Variants in TACC2 observed in about 807,000 individuals in gnomAD.
TACC2 encodes the protein transforming acidic coiled-coil-containing protein 2.
Under a neutral mutation model 227.3 loss-of-function variants are expected in TACC2, and 137 were observed. The ratio of observed to expected loss-of-function variants is 0.60; its 90% CI spans 0.52 to 0.69. The LOEUF (loss-of-function observed/expected upper bound fraction) is 0.69. Ranked by LOEUF, TACC2 falls within the 30% of genes least tolerant of loss-of-function variation. TACC2 has a pLI of 0.00. For synonymous variants in TACC2, 1,523 were observed against 1,487.5 expected, an observed-to-expected ratio of 1.02 and a Z score of -0.55; for missense variants, 3,470 against 3,694.4, an observed-to-expected ratio of 0.94 and a Z score of 1.57.
intron 2 of TACC2, among the ~76,000 whole-genome samples, chr10:122,042,465 A>G (rs1385944531): frequency 6.6e-6 from 1 of 150,976 alleles, no homozygotes; most frequent in Non-Finnish European, 1.5e-5. Flanking sequence ...CTGGTCTCGA[A>G]CTCCTGACCT....
At chr10:122,245,623 A>G (rs2096093773) in intron 19 of TACC2, among the ~76,000 whole-genome samples, 1 of 152,134 alleles carries the variant, frequency 6.6e-6, no homozygotes, top group South Asian at 2.1e-4. Context: ...GGGTGTGGCA[A>G]GCAGGTTGTT....
At chr10:122,044,513 T>C (rs750633864) in intron 2 of TACC2, among the ~76,000 whole-genome samples, 1 of 152,178 alleles carries the variant, frequency 6.6e-6, no homozygotes, top group Non-Finnish European at 1.5e-5. Flanking sequence ...CTTCCCAGCA[T>C]TCACCTGCAG....
chr10:122,132,467 T>C, intron 5 of TACC2, 142 bp from the exon 6 acceptor site: 1 of 980,406 alleles, frequency 1.0e-6, no homozygotes, highest in South Asian at 1.5e-5. Context: ...GAGAATTGCC[T>C]GTACCCTGGA....
At chr10:122,222,057 T>A (rs1213838040) in intron 11 of TACC2, among the ~76,000 whole-genome samples, 1 of 152,156 alleles carries the variant, frequency 6.6e-6, no homozygotes, top group Non-Finnish European at 1.5e-5. Context: ...CCTCTTCAGC[T>A]AGGAGCAGCC....
intron 7 of TACC2, among the ~76,000 whole-genome samples, chr10:122,174,081 G>A (rs1276480021): frequency 6.6e-6 from 1 of 152,218 alleles, no homozygotes; most frequent in East Asian, 1.9e-4. Context: ...AGGGCTCGGT[G>A]GACTGTCCAA....
At chr10:122,187,647 C>T (rs1215191913) in intron 7 of TACC2, among the ~76,000 whole-genome samples, 3 of 152,178 alleles carry the variant, frequency 2.0e-5, no homozygotes, top group East Asian at 3.9e-4. Context: ...CCTGCCACCA[C>T]GCCCAGCTAA....
intron 5 of TACC2, among the ~76,000 whole-genome samples, chr10:122,114,956 G>A (rs2084368095): frequency 6.6e-6 from 1 of 152,216 alleles, no homozygotes; most frequent in Admixed American, 6.5e-5. Context: ...TCAAGGTTTC[G>A]TTTTACAGAT....
intron 18 of TACC2, 124 bp downstream of exon 18, chr10:122,238,161 C>A: frequency 1.5e-6 from 1 of 680,388 alleles, no homozygotes; most frequent in South Asian, 2.1e-5. Context: ...CTTTATTACA[C>A]ACAGTTCATA....
intron 5 of TACC2, among the ~76,000 whole-genome samples, chr10:122,090,733 A>T (rs7079313): frequency 6.6e-6 from 1 of 151,956 alleles, no homozygotes; most frequent in Non-Finnish European, 1.5e-5. Flanking sequence ...AATCCTTAAA[A>T]AATTATTTAT....
chr10:122,153,657 T>C (rs1258107356), intron 7 of TACC2, among the ~76,000 whole-genome samples: 1 of 152,240 alleles, frequency 6.6e-6, no homozygotes, highest in East Asian at 1.9e-4. Flanking sequence ...TATTGAGCAC[T>C]TGCTGTATGC....
At chr10:122,130,180 G>C (rs1209776649) in intron 5 of TACC2, among the ~76,000 whole-genome samples, 1 of 152,138 alleles carries the variant, frequency 6.6e-6, no homozygotes, top group Non-Finnish European at 1.5e-5. Flanking sequence ...ATTTTTAGTA[G>C]AGACAGGTTT....
chr10:122,062,853 A>C (rs1466837349), intron 3 of TACC2, among the ~76,000 whole-genome samples: 1 of 152,180 alleles, frequency 6.6e-6, no homozygotes, highest in Non-Finnish European at 1.5e-5. Context: ...GGTCTGCTGC[A>C]GGCTGGGCAT....
At chr10:122,177,603 G>A (rs1311934399) in intron 7 of TACC2, among the ~76,000 whole-genome samples, 1 of 152,124 alleles carries the variant, frequency 6.6e-6, no homozygotes, top group African/African-American at 2.4e-5. Flanking sequence ...GATGGCCCAG[G>A]GAGTGGATGG....
At chr10:122,039,134 C>T (rs139386937) in intron 2 of TACC2, among the ~76,000 whole-genome samples, 7,183 of 152,194 alleles carry the variant, frequency 0.047, 232 homozygotes, top group Non-Finnish European at 0.073. Context: ...TGCCACCATG[C>T]CTGGCTAAGT....
intron 13 of TACC2, 120 bp from the exon 14 acceptor site, chr10:122,227,717 C>G: frequency 8.7e-7 from 1 of 1,148,732 alleles, no homozygotes; most frequent in Non-Finnish European, 1.2e-6. Context: ...GGAGACCTGG[C>G]TCATATCCCT....
At chr10:122,023,175 GC>G in intron 2 of TACC2, 1 of 152,132 alleles carries the variant, frequency 6.6e-6, no homozygotes, top group Non-Finnish European at 1.5e-5. Context: ...GATTACAGGG[GC>G]CTGCCACCAT....
intron 5 of TACC2, among the ~76,000 whole-genome samples, chr10:122,102,429 C>G (rs1452220554): frequency 1.3e-5 from 2 of 152,184 alleles, no homozygotes; most frequent in African/African-American, 4.8e-5. Context: ...TGAACTGAAC[C>G]CCGTAACCGC....
rs2096295869 is a variant in TACC2, at chr10:122,253,945, G to A, written c.8782-46G>A. On this transcript the variant is annotated intron_variant, in intron 22 of 22. Coordinates refer to ENST00000369005, the MANE Select transcript of TACC2 (RefSeq NM_206862.4). Reference sequence around the variant, plus strand: ...AAAAGCCCCATGAGCATTCTGACTGGCCAGATTTCAAACATCAGCAACTTC... The same window carrying A: ...AAAAGCCCCATGAGCATTCTGACTGACCAGATTTCAAACATCAGCAACTTC... The A allele has an allele frequency of 2.6e-6, 4 of 1,558,842 alleles. No homozygotes were observed. The South Asian group carries it at 4.5e-5, about 17-fold the overall frequency.
intron 5 of TACC2, among the ~76,000 whole-genome samples, chr10:122,109,584 A>T (rs1335082641): frequency 6.6e-6 from 1 of 152,216 alleles, no homozygotes; most frequent in Non-Finnish European, 1.5e-5. Flanking sequence ...TGGGGGCCCA[A>T]GAAGAATGAA....
Sources: allele counts gnomAD v4.1 joint callset (sites outside exome capture counted in the v4.1 genomes callset), GRCh38; gene constraint gnomAD v4.1.1; transcripts MANE v1.5; gene names NCBI Gene and HGNC (gene_info 2026-07-23, HGNC 2026-07-21).